The following TPO variants were observed in gnomAD, a reference collection of about 807,000 sequenced individuals.
TPO encodes thyroid microsomal antigen.
A neutral mutation model predicts 96.9 loss-of-function variants in TPO; 78 were observed. The observed-to-expected ratio is 0.81, with a 90% CI of 0.67 to 0.97. TPO has a LOEUF of 0.97. TPO is among the 50% of genes least tolerant of loss of function. TPO has a pLI of 0.00. For missense variants in TPO, 1,252 were observed against 1,274.8 expected, an observed-to-expected ratio of 0.98 and a Z score of 0.27; for synonymous variants, 547 against 538.0, an observed-to-expected ratio of 1.02 and a Z score of -0.23.
chr2:1,383,629 G>A (rs1558242323), intron 1 of TPO, among the ~76,000 whole-genome samples: 1 of 152,124 alleles, frequency 6.6e-6, no homozygotes, highest in Non-Finnish European at 1.5e-5. Flanking sequence ...TCAGCCCTTT[G>A]TCAGATGAGT....
chr2:1,497,796 AAG>A (rs574548872), intron 13 of TPO, among the ~76,000 whole-genome samples: 101 of 152,276 alleles, frequency 6.6e-4, no homozygotes, highest in Non-Finnish European at 1.1e-3. Flanking sequence ...CCGCAGAAGA[AAG>A]AGATGGTCTC....
At chr2:1,456,333 A>G (rs751212994) in intron 7 of TPO, 51 bp downstream of exon 7, 1 of 1,579,492 alleles carries the variant, frequency 6.3e-7, no homozygotes, top group South Asian at 1.1e-5. Context: ...AGTGCTATTT[A>G]AAACGTCAAA....
intron 10 of TPO, among the ~76,000 whole-genome samples, chr2:1,489,538 G>A (rs1558352192): frequency 6.6e-6 from 1 of 152,232 alleles, no homozygotes; most frequent in Non-Finnish European, 1.5e-5. Flanking sequence ...CCACTGGCCT[G>A]TGGGTCCCCC....
intron 8 of TPO, among the ~76,000 whole-genome samples, chr2:1,481,807 C>T (rs1315569457): frequency 6.6e-6 from 1 of 152,204 alleles, no homozygotes; most frequent in African/African-American, 2.4e-5. Context: ...CCCCAGTGGC[C>T]TCCAATGTTG....
At chr2:1,430,667 A>G (rs1443973658) in intron 3 of TPO, among the ~76,000 whole-genome samples, 2 of 152,256 alleles carry the variant, frequency 1.3e-5, no homozygotes, top group African/African-American at 4.8e-5. Flanking sequence ...GGGAAGCCAC[A>G]GGGGCAGAGC....
chr2:1,392,330 A>T (rs1400810139), intron 1 of TPO, among the ~76,000 whole-genome samples: 2 of 152,164 alleles, frequency 1.3e-5, no homozygotes, highest in Admixed American at 6.5e-5. Flanking sequence ...ATGTTGAACG[A>T]GCCTTGCATC....
At chr2:1,497,578 TG>T (rs919177860) in intron 13 of TPO, among the ~76,000 whole-genome samples, 13 of 152,278 alleles carry the variant, frequency 8.5e-5, no homozygotes, top group Non-Finnish European at 1.9e-4. Flanking sequence ...CCTGGACCGC[TG>T]GTTCTGGTCT....
chr2:1,517,402 T>C (rs965674913), intron 15 of TPO, among the ~76,000 whole-genome samples: 9 of 152,214 alleles, frequency 5.9e-5, no homozygotes, highest in African/African-American at 2.2e-4. Flanking sequence ...AGTTGAACTT[T>C]CATGTTAAAA....
intron 15 of TPO, among the ~76,000 whole-genome samples, chr2:1,518,849 T>G (rs1346375529): frequency 1.3e-5 from 2 of 152,218 alleles, no homozygotes; most frequent in Non-Finnish European, 2.9e-5. Context: ...CCAGAACATA[T>G]GTTTATATCC....
intron 10 of TPO, 24 bp from the exon 11 acceptor site, chr2:1,493,778 C>A (rs1475121575): frequency 6.2e-7 from 1 of 1,612,086 alleles, no homozygotes; most frequent in South Asian, 1.1e-5. Flanking sequence ...GTGAGAGAAA[C>A]CCTGCAGCCT....
At chr2:1,385,169 T>C (rs1433607860) in intron 1 of TPO, among the ~76,000 whole-genome samples, 1 of 152,184 alleles carries the variant, frequency 6.6e-6, no homozygotes, top group Non-Finnish European at 1.5e-5. Flanking sequence ...TCTAAAATTC[T>C]CTTTTTTTGT....
chr2:1,383,399 G>A lies in TPO; in HGVS notation n.180+8997G>A, dbSNP rs78433387. ...CTCTCCAGCACCTGTTGTTTCCTGA[G>A]CATTTAATGATCGCCATTTTAACTG... On this transcript the variant is annotated intron_variant and non_coding_transcript_variant, in intron 1 of 5. Coordinates refer to the TPO transcript ENST00000497517. 1.4e-3 allele frequency among the ~76,000 whole-genome samples: 219 copies of A among 152,198 alleles called. 3 individuals are homozygous for A. The highest frequency in any genetic ancestry group is 0.013 in the Admixed American group (197 of 15,272).
chr2:1,505,512 C>A (rs1288608210), intron 14 of TPO, among the ~76,000 whole-genome samples: 1 of 137,816 alleles, frequency 7.3e-6, no homozygotes, highest in Non-Finnish European at 1.6e-5. Context: ...CCCCCACCAC[C>A]ATCCTGTGTC....
At chr2:1,475,927 G>C (rs980678793) in intron 7 of TPO, among the ~76,000 whole-genome samples, 3 of 151,876 alleles carry the variant, frequency 2.0e-5, no homozygotes, top group Admixed American at 6.5e-5. Flanking sequence ...TTCACCACAA[G>C]GCCGACTCCC....
At chr2:1,528,302 C>A (rs553407785) in intron 15 of TPO, among the ~76,000 whole-genome samples, 1 of 138,268 alleles carries the variant, frequency 7.2e-6, no homozygotes, top group African/African-American at 2.8e-5. Context: ...CACAAATTCC[C>A]CCACTGTGTG....
intron 10 of TPO, among the ~76,000 whole-genome samples, chr2:1,488,528 T>G (rs1033042977): frequency 6.6e-6 from 1 of 151,586 alleles, no homozygotes; most frequent in African/African-American, 2.4e-5. Context: ...CCCGGCAGCC[T>G]CCTCCCTGAC....
chr2:1,384,053 C>A (rs1357696076), intron 1 of TPO, among the ~76,000 whole-genome samples: 1 of 152,148 alleles, frequency 6.6e-6, no homozygotes, highest in East Asian at 1.9e-4. Flanking sequence ...TTTCTGAGGG[C>A]TCTGTTCTGT....
intron 15 of TPO, among the ~76,000 whole-genome samples, chr2:1,523,998 C>A (rs1234593332): frequency 1.0e-5 from 1 of 98,412 alleles, no homozygotes; most frequent in Non-Finnish European, 1.9e-5. Flanking sequence ...CTACTCTCTG[C>A]AAACTCACCA....
chr2:1,440,844 GCA>G (rs1666109813), intron 5 of TPO, among the ~76,000 whole-genome samples: 2 of 151,356 alleles, frequency 1.3e-5, no homozygotes, highest in East Asian at 2.0e-4. Flanking sequence ...TACGTTGGAA[GCA>G]AGTAGGGCAG....
Sources: allele counts gnomAD v4.1 joint callset (sites outside exome capture counted in the v4.1 genomes callset), GRCh38; gene constraint gnomAD v4.1.1; transcripts MANE v1.5; gene names NCBI Gene and HGNC (gene_info 2026-07-23, HGNC 2026-07-21).